ANKRD62: variants seen among roughly 807,000 people sequenced by gnomAD.
The protein encoded by ANKRD62 is ankyrin repeat domain-containing protein 62.
In ANKRD62, 61 loss-of-function variants were observed where a neutral mutation model predicts 98.8. The observed-to-expected ratio is 0.62, with a 90% CI of 0.50 to 0.76. The LOEUF (loss-of-function observed/expected upper bound fraction) is 0.76. Ranked by LOEUF, ANKRD62 falls within the 30% of genes least tolerant of loss-of-function variation. The probability of loss-of-function intolerance (pLI) is 0.00; values close to 1 mark genes in which losing one functional copy is unlikely to be tolerated. For synonymous variants in ANKRD62, 341 were observed against 367.9 expected, an observed-to-expected ratio of 0.93 and a Z score of 0.84; for missense variants, 933 against 1,082.9, an observed-to-expected ratio of 0.86 and a Z score of 1.94.
the ANKRD62 span, among the ~76,000 whole-genome samples, chr18:12,156,498 G>A: frequency 3.9e-5 from 6 of 152,150 alleles, no homozygotes; most frequent in South Asian, 2.1e-4. Context: ...GAGTCAGGAC[G>A]TTGATTTAGT....
At chr18:12,095,659 T>C (rs1909166877) in intron 3 of ANKRD62, 49 bp downstream of exon 3, 10 of 1,410,652 alleles carry the variant, frequency 7.1e-6, no homozygotes, top group Non-Finnish European at 8.3e-6. Context: ...ATATTTGTTT[T>C]ACCATTGACA....
rs1909314937 is a variant in ANKRD62, at chr18:12,102,212, A to G, written c.821-946A>G. The G allele has an allele frequency of 4.9e-6, 4 of 811,636 alleles. No homozygotes were observed. The Admixed American group carries it at 6.8e-5, about 14-fold the overall frequency. The allele number at this position is 811,636 out of a possible 1,614,324, so 50.3% of individuals were successfully genotyped here. On this transcript the variant is annotated intron_variant, in intron 6 of 13. Transcript: ENST00000587848. ...AGGAGTAGAGTCCGTCACAGAGCCA[A>G]GGATTCAAATAAGCAGCTGGAAGCA... is the stretch of plus-strand genomic sequence containing the variant.
chr18:12,095,473 C>T lies in ANKRD62; in HGVS notation c.370C>T (p.Leu124=). 1 of 1,576,472 alleles carries T rather than the reference C, an allele frequency of 6.3e-7. No homozygotes were observed. Among genetic ancestry groups the T allele is most frequent in the Non-Finnish European group, 8.6e-7 (1 of 1,166,356 alleles). Residue 124 remains leucine, a synonymous_variant, in exon 3 of 14, where the codon CTG becomes TTG. Coordinates refer to ENST00000587848, the MANE Select transcript of ANKRD62 (RefSeq NM_001277333.2). ...QCQEEVCASI[L]LEHGANPNVR... ...TCAAGAAGAAGTTTGTGCATCCATCCTGCTGGAACATGGCGCCAACCCAAA... is the reference window on the plus strand; with the variant it reads ...TCAAGAAGAAGTTTGTGCATCCATCTTGCTGGAACATGGCGCCAACCCAAA...
chr18:12,113,512 G>GCTA (rs1331203657), intron 8 of ANKRD62, among the ~76,000 whole-genome samples: 2 of 152,202 alleles, frequency 1.3e-5, no homozygotes, highest in Non-Finnish European at 2.9e-5. Flanking sequence ...TATAATCCCT[G>GCTA]CTACACAGGA....
intron 8 of ANKRD62, among the ~76,000 whole-genome samples, chr18:12,109,869 C>G (rs958128557): frequency 4.0e-5 from 6 of 149,636 alleles, no homozygotes; most frequent in Non-Finnish European, 7.4e-5. Flanking sequence ...GTCACTCTGT[C>G]ACTCGATAAA....
chr18:12,103,494 A>T (rs1412687965), intron 7 of ANKRD62, among the ~76,000 whole-genome samples: 1 of 152,146 alleles, frequency 6.6e-6, no homozygotes, highest in Non-Finnish European at 1.5e-5. Flanking sequence ...TAAAGAAAGT[A>T]ATATCAAATA....
chr18:12,146,702 C>G, the ANKRD62 span, among the ~76,000 whole-genome samples: 1 of 152,274 alleles, frequency 6.6e-6, no homozygotes, highest in Admixed American at 6.5e-5. Flanking sequence ...TCCTCGGCCT[C>G]CCAAAGTGGT....
At chr18:12,168,421 GT>G in the ANKRD62 span, among the ~76,000 whole-genome samples, 3 of 152,022 alleles carry the variant, frequency 2.0e-5, no homozygotes, top group Non-Finnish European at 2.9e-5. Context: ...TTTTTGTCAG[GT>G]TTGTCAAAGA....
At chr18:12,107,642 C>T (rs1909444672) in intron 8 of ANKRD62, among the ~76,000 whole-genome samples, 175 bp downstream of exon 8, 1 of 152,064 alleles carries the variant, frequency 6.6e-6, no homozygotes, top group Non-Finnish European at 1.5e-5. Flanking sequence ...TCTTTCCAAT[C>T]ATATTGATGT....
At chr18:12,150,489 A>G in the ANKRD62 span, among the ~76,000 whole-genome samples, 1 of 152,288 alleles carries the variant, frequency 6.6e-6, no homozygotes, top group East Asian at 1.9e-4. Context: ...CATCCCCAAG[A>G]CATATAATCA....
At chr18:12,150,132 A>G in the ANKRD62 span, among the ~76,000 whole-genome samples, 1 of 152,262 alleles carries the variant, frequency 6.6e-6, no homozygotes, top group Admixed American at 6.5e-5. Context: ...GGAGTTGAGT[A>G]ACACAATACA....
Position 12,122,364 on chromosome 18 carries a change from T to C in ANKRD62, c.1302T>C (p.Asp434=), listed in dbSNP as rs779093410. ...ATAACGRSIE[D]QKCYCERLKV... Reference sequence around the variant, plus strand: ...CTGCATGTGGAAGATCAATAGAGGATCAAAAATGTTACTGTGAACGACTTA... The same window carrying C: ...CTGCATGTGGAAGATCAATAGAGGACCAAAAATGTTACTGTGAACGACTTA... Residue 434 remains aspartate (D), a synonymous_variant, in exon 11 of 14, where the codon GAT becomes GAC. Coordinates refer to ENST00000587848, the MANE Select transcript of ANKRD62 (RefSeq NM_001277333.2). The C allele has an allele frequency of 1.3e-6, 2 of 1,535,628 alleles. No individual in the cohort carries two copies. Among genetic ancestry groups the C allele is most frequent in the South Asian group, 2.4e-5 (2 of 84,018 alleles).
At chr18:12,122,852 AT>A (rs1380870594) in intron 11 of ANKRD62, among the ~76,000 whole-genome samples, 1 of 152,018 alleles carries the variant, frequency 6.6e-6, no homozygotes, top group Non-Finnish European at 1.5e-5. Context: ...CTACATTTCT[AT>A]TTCTTTACTT....
the ANKRD62 span, among the ~76,000 whole-genome samples, chr18:12,140,747 G>T: frequency 1.3e-5 from 2 of 152,204 alleles, no homozygotes; most frequent in Non-Finnish European, 2.9e-5. Context: ...TGAGGTGTCA[G>T]TCCGCCCCTA....
chr18:12,166,471 C>A, the ANKRD62 span, among the ~76,000 whole-genome samples: 1 of 152,030 alleles, frequency 6.6e-6, no homozygotes, highest in African/African-American at 2.4e-5. Flanking sequence ...ATTTCTGCTT[C>A]TTTTTAATAA....
chr18:12,099,456 T>C (rs1406703665), intron 5 of ANKRD62, among the ~76,000 whole-genome samples, 159 bp from the exon 6 acceptor site: 2 of 152,196 alleles, frequency 1.3e-5, no homozygotes, highest in Non-Finnish European at 2.9e-5. Flanking sequence ...TCTTCTTTAA[T>C]TAGAAGCTTA....
chr18:12,109,971 A>AAAAAC (rs1173477263), intron 8 of ANKRD62, among the ~76,000 whole-genome samples: 13 of 137,822 alleles, frequency 9.4e-5, no homozygotes, highest in Non-Finnish European at 1.6e-4. Context: ...AAAAAAAAAA[A>AAAAAC]CAGACAGACA....
chr18:12,100,019 T>C (rs1458200577), intron 6 of ANKRD62, among the ~76,000 whole-genome samples: 1 of 152,144 alleles, frequency 6.6e-6, no homozygotes, highest in African/African-American at 2.4e-5. Context: ...TGTTATAACA[T>C]TGGATATTTT....
At chr18:12,169,218 A>G in the ANKRD62 span, among the ~76,000 whole-genome samples, 1 of 152,136 alleles carries the variant, frequency 6.6e-6, no homozygotes, top group African/African-American at 2.4e-5. Flanking sequence ...TGCGTTTTCA[A>G]AGGGAATGTT....
Sources: gnomAD v4.1 joint callset for allele counts (sites outside exome capture counted in the v4.1 genomes callset) on GRCh38, gnomAD v4.1.1 for gene constraint, MANE v1.5 for transcripts, NCBI Gene and HGNC (gene_info 2026-07-23, HGNC 2026-07-21) for gene names.